Variants in MUC13 observed in about 807,000 individuals in gnomAD.
The protein encoded by MUC13 is mucin 13, cell surface associated.
A neutral mutation model predicts 48.3 loss-of-function variants in MUC13; 32 were observed. That is an observed-to-expected ratio of 0.66 (90% CI 0.50 to 0.89). The LOEUF is 0.89. Among genes scored for constraint, MUC13 ranks in the 40% least tolerant of loss-of-function variants. The pLI is 0.00. For missense variants in MUC13, 571 were observed against 622.8 expected (o/e 0.92, Z 0.88); for synonymous variants, 199 against 224.9 (o/e 0.88, Z 1.03).
chr3:124,926,124 G>C (rs552713210), intron 2 of MUC13, among the ~76,000 whole-genome samples: 1 of 152,150 alleles, frequency 6.6e-6, no homozygotes, highest in Admixed American at 6.5e-5. Context: ...GTCTCCTTCT[G>C]GAGACACCAG....
chr3:124,912,979 G>T, intron 8 of MUC13, 132 bp downstream of exon 8: 19 of 542,616 alleles, frequency 3.5e-5, no homozygotes, highest in South Asian at 7.0e-5. Context: ...TGACAATGAT[G>T]AGGATGCTGT....
intron 10 of MUC13, among the ~76,000 whole-genome samples, 189 bp downstream of exon 10, chr3:124,910,226 C>T (rs904788587): frequency 6.6e-6 from 1 of 152,070 alleles, no homozygotes; most frequent in African/African-American, 2.4e-5. Flanking sequence ...TGCTGGTGGT[C>T]CTGTGCCGCA....
intron 2 of MUC13, among the ~76,000 whole-genome samples, chr3:124,927,151 C>G (rs1935702989): frequency 6.6e-6 from 1 of 152,142 alleles, no homozygotes; most frequent in Non-Finnish European, 1.5e-5. Context: ...GAGAGCTAGA[C>G]CAGTGGTGCT....
At chr3:124,932,530 C>A (rs1935814911) in intron 1 of MUC13, among the ~76,000 whole-genome samples, 2 of 150,804 alleles carry the variant, frequency 1.3e-5, no homozygotes, top group African/African-American at 4.9e-5. Flanking sequence ...CGTGCCATTG[C>A]ACTCCAGCCT....
chr3:124,932,574 A>C (rs904320077), intron 1 of MUC13, among the ~76,000 whole-genome samples: 4 of 152,150 alleles, frequency 2.6e-5, no homozygotes, highest in Non-Finnish European at 5.9e-5. Flanking sequence ...CTCAAAAAAA[A>C]AAAAAGAAAG....
chr3:124,921,313 C>T (rs1935590462), intron 4 of MUC13, among the ~76,000 whole-genome samples: 1 of 152,024 alleles, frequency 6.6e-6, no homozygotes, highest in Non-Finnish European at 1.5e-5. Context: ...CCACGCCTGG[C>T]TAAATTTTTG....
chr3:124,921,101 T>C (rs976331239), intron 4 of MUC13, among the ~76,000 whole-genome samples: 2 of 152,196 alleles, frequency 1.3e-5, no homozygotes, highest in Non-Finnish European at 2.9e-5. Flanking sequence ...TTGAGAGACA[T>C]TGTCATGGAA....
chr3:124,917,126 G>GTCTC (rs138692223), intron 5 of MUC13, among the ~76,000 whole-genome samples: 3 of 149,724 alleles, frequency 2.0e-5, no homozygotes, highest in South Asian at 2.1e-4. Context: ...CATTGTCACT[G>GTCTC]TCTCTCTCTC....
At chr3:124,921,049 T>C (rs1037428374) in intron 4 of MUC13, among the ~76,000 whole-genome samples, 2 of 152,230 alleles carry the variant, frequency 1.3e-5, no homozygotes, top group Non-Finnish European at 2.9e-5. Context: ...CCACGATACA[T>C]TTTTTACATG....
chr3:124,922,075 C>A, intron 4 of MUC13, 122 bp downstream of exon 4: 1 of 1,177,680 alleles, frequency 8.5e-7, no homozygotes, highest in Non-Finnish European at 1.2e-6. Context: ...AGGTACATTT[C>A]ACTGTTTGAA....
intron 1 of MUC13, among the ~76,000 whole-genome samples, chr3:124,929,115 G>GGAC (rs1445898351): frequency 6.6e-6 from 1 of 151,686 alleles, no homozygotes; most frequent in East Asian, 1.9e-4. Context: ...AGGAACCCCT[G>GGAC]GACACATGGA....
chr3:124,924,130 T>A (rs1935650125), intron 2 of MUC13, among the ~76,000 whole-genome samples: 1 of 152,152 alleles, frequency 6.6e-6, no homozygotes, highest in Non-Finnish European at 1.5e-5. Flanking sequence ...CTGTTAGGCA[T>A]ACCTAGGAGA....
intron 8 of MUC13, 143 bp from the exon 9 acceptor site, chr3:124,912,284 T>C: frequency 8.1e-7 from 1 of 1,232,530 alleles, no homozygotes; most frequent in Non-Finnish European, 1.1e-6. Context: ...TTCTTTTGCC[T>C]TCCTTACACT....
In MUC13 at chr3:124,927,591, T is replaced by C; in HGVS notation, c.455A>G (p.Gln152Arg). ...NEMSPTTEDN[Q>R]SSGPPTGTAL... Reference sequence around the variant, plus strand: ...GGTGCCAGTGGGAGGCCCTGATGATTGATTGTCTTCTGTGGTGGGGGACAT... The same window carrying C: ...GGTGCCAGTGGGAGGCCCTGATGATCGATTGTCTTCTGTGGTGGGGGACAT... Residue 152 changes from glutamine (Q) to arginine (R), a missense_variant, in exon 2 of 12, where the codon CAA (glutamine) becomes CGA (arginine). Gln to Arg is a conservative substitution (Grantham distance 43). Coordinates refer to ENST00000616727, the MANE Select transcript of MUC13 (RefSeq NM_033049.4). 1 of 1,614,230 alleles carries C rather than the reference T, an allele frequency of 6.2e-7. No individual in the cohort carries two copies. The highest frequency in any genetic ancestry group is 1.1e-5 in the South Asian group (1 of 91,088).
At chr3:124,922,857 A>G (rs1385429952) in intron 3 of MUC13, among the ~76,000 whole-genome samples, 1 of 152,012 alleles carries the variant, frequency 6.6e-6, no homozygotes, top group Non-Finnish European at 1.5e-5. Flanking sequence ...TATTGGACTT[A>G]GTGCTTTTAA....
At chr3:124,925,399 T>G (rs1295538714) in intron 2 of MUC13, among the ~76,000 whole-genome samples, 1 of 152,156 alleles carries the variant, frequency 6.6e-6, no homozygotes, top group Non-Finnish European at 1.5e-5. Flanking sequence ...TTTGTCCAAA[T>G]TCATAAAATG....
At chr3:124,916,156 C>A (rs1013529998) in intron 6 of MUC13, among the ~76,000 whole-genome samples, 161 bp downstream of exon 6, 1 of 151,952 alleles carries the variant, frequency 6.6e-6, no homozygotes, top group African/African-American at 2.4e-5. Flanking sequence ...AGAGGGCAAG[C>A]GAACAAGAAA....
At chr3:124,928,368 A>G (rs1450375447) in intron 1 of MUC13, among the ~76,000 whole-genome samples, 1 of 152,150 alleles carries the variant, frequency 6.6e-6, no homozygotes, top group Non-Finnish European at 1.5e-5. Flanking sequence ...TGTGACAAAT[A>G]AAGAGTTAAT....
chr3:124,913,248 A>T lies in MUC13; in HGVS notation c.1085-8T>A. ...GACACTTGAGACTGGAAGCTTCAAAACAGAATGATTTCTGGGTAATTTTCA... is the reference window on the plus strand; with the variant it reads ...GACACTTGAGACTGGAAGCTTCAAATCAGAATGATTTCTGGGTAATTTTCA... On this transcript the variant is annotated splice_polypyrimidine_tract_variant and splice_region_variant and intron_variant, in intron 7 of 11. Coordinates refer to ENST00000616727, the MANE Select transcript of MUC13 (RefSeq NM_033049.4). The T allele has an allele frequency of 1.9e-6, 3 of 1,604,222 alleles. No homozygotes were observed. Among genetic ancestry groups the T allele is most frequent in the Non-Finnish European group, 2.6e-6 (3 of 1,174,768 alleles).
Sources: gnomAD v4.1 joint callset for allele counts (sites outside exome capture counted in the v4.1 genomes callset) on GRCh38, gnomAD v4.1.1 for gene constraint, MANE v1.5 for transcripts, NCBI Gene and HGNC (gene_info 2026-07-23, HGNC 2026-07-21) for gene names.